Variants in CHD2 observed in about 807,000 individuals in gnomAD.
The protein encoded by CHD2 is ATP-dependent chromatin remodeler CHD2.
Under a neutral mutation model 243.9 loss-of-function variants are expected in CHD2, and 28 were observed. The ratio of observed to expected loss-of-function variants is 0.11; its 90% CI spans 0.09 to 0.16. The LOEUF is 0.16. Ranked by LOEUF, CHD2 falls within the 10% of genes least tolerant of loss-of-function variation. The pLI is 1.00. For synonymous variants in CHD2, 775 were observed against 779.0 expected, an observed-to-expected ratio of 0.99 and a Z score of 0.09; for missense variants, 1,386 against 2,209.8, an observed-to-expected ratio of 0.63 and a Z score of 7.47.
At chr15:92,926,299 T>C (rs1020875546) in intron 3 of CHD2, among the ~76,000 whole-genome samples, 1 of 152,330 alleles carries the variant, frequency 6.6e-6, no homozygotes, top group East Asian at 1.9e-4. Context: ...TCTCAGCTAG[T>C]GGCTTCTTTT....
chr15:92,924,841 C>T (rs1276437343), intron 3 of CHD2, among the ~76,000 whole-genome samples: 1 of 152,092 alleles, frequency 6.6e-6, no homozygotes, highest in East Asian at 1.9e-4. Flanking sequence ...CTCTGTTGCC[C>T]AGCCTGGAGT....
intron 35 of CHD2, among the ~76,000 whole-genome samples, chr15:93,010,231 A>G (rs1047561543): frequency 1.3e-5 from 2 of 152,126 alleles, no homozygotes; most frequent in African/African-American, 4.8e-5. Context: ...TTGTTGGTTG[A>G]TGGGCATTTA....
At position 92,956,677 on chromosome 15, in the gene CHD2, G is replaced by A. The variant is rs368748523; in HGVS notation, c.2000+28G>A. The A allele has an allele frequency of 3.7e-4, 574 of 1,570,254 alleles. 1 individual carries two copies. The African/African-American group carries it at 4.7e-3, about 13-fold the overall frequency. ...AAGCTCCTTCCTGTGTATTTCAAAA[G>A]ATGCTAGAATGTCTGAAATGCCAAT... On this transcript the variant is annotated intron_variant, in intron 16 of 38. Transcript: ENST00000394196.
chr15:93,011,674 G>A (rs900089924), intron 35 of CHD2, among the ~76,000 whole-genome samples: 2 of 152,152 alleles, frequency 1.3e-5, no homozygotes, highest in Admixed American at 1.3e-4. Flanking sequence ...CTGACTACCT[G>A]TGCTTACTCT....
intron 5 of CHD2, among the ~76,000 whole-genome samples, chr15:92,935,038 CTT>C (rs35542698): frequency 6.5e-5 from 9 of 138,652 alleles, no homozygotes; most frequent in Non-Finnish European, 3.1e-5. Context: ...TTCTTTCTTT[CTT>C]TTTTTTTTTT....
Position 92,934,843 on chromosome 15 carries a change from C to T in CHD2, c.444-2675C>T, listed in dbSNP as rs1365404419. 2.0e-5 allele frequency among the ~76,000 whole-genome samples: 3 copies of T among 152,108 alleles called. No homozygotes were observed. The East Asian group carries it at 5.8e-4, about 29-fold the overall frequency. On this transcript the variant is annotated intron_variant, in intron 5 of 38. Coordinates refer to ENST00000394196, the MANE Select transcript of CHD2 (RefSeq NM_001271.4). Reference sequence around the variant, plus strand: ...TTTTAAACCTTGAGTTTTTCAAATACTCCCAGGACGTGTAAGCCTGGCTTT... The same window carrying T: ...TTTTAAACCTTGAGTTTTTCAAATATTCCCAGGACGTGTAAGCCTGGCTTT...
chr15:92,946,959 A>T (rs1881835), intron 12 of CHD2: 23 of 151,478 alleles, frequency 1.5e-4, no homozygotes, highest in African/African-American at 5.6e-4. Context: ...AGAGAGCGGG[A>T]AGTGATAGAA....
At chr15:92,901,816 TAAAG>T (rs1283922251) in intron 2 of CHD2, 2 of 252,602 alleles carry the variant, frequency 7.9e-6, no homozygotes, top group East Asian at 7.5e-5. Flanking sequence ...CAAAATCACT[TAAAG>T]GACCCTTTGA....
chr15:92,980,679 T>G (rs753835048), intron 22 of CHD2, 136 bp from the exon 23 acceptor site: 2 of 631,660 alleles, frequency 3.2e-6, no homozygotes, highest in South Asian at 4.2e-5. Flanking sequence ...ATGCGATGTT[T>G]GAGAAATCAT....
intron 32 of CHD2, among the ~76,000 whole-genome samples, chr15:93,000,889 A>G (rs2054246463): frequency 6.6e-6 from 1 of 152,320 alleles, no homozygotes; most frequent in African/African-American, 2.4e-5. Context: ...TGTTTTTGAG[A>G]TGAAGTCTCG....
At chr15:93,012,286 C>G (rs2054403208) in intron 35 of CHD2, 59 bp from the exon 36 acceptor site, 11 of 1,117,730 alleles carry the variant, frequency 9.8e-6, no homozygotes, top group Non-Finnish European at 1.4e-5. Flanking sequence ...CCATGAAGAT[C>G]ATAAAAAATT....
At position 92,946,205 on chromosome 15, in the gene CHD2, A is replaced by G. The variant is rs1259378309; in HGVS notation, c.1366A>G (p.Arg456Gly). The change falls in exon 12 of 39, where the codon AGA becomes GGA. Residue 456 changes from arginine (R) to glycine (G), a missense_variant. By Grantham distance (125) the Arg-to-Gly change is moderately radical (BLOSUM62 -2). This residue lies in a region of CHD2 where 200 missense variants were observed against 292.5 expected (regional missense o/e 0.68). Coordinates refer to ENST00000394196, the MANE Select transcript of CHD2 (RefSeq NM_001271.4). ...SRNNSKTIPT[R>G]ECKALKQRPR... The stretch of plus-strand genomic sequence containing the variant: ...GAACAACTCAAAAACCATCCCAACA[A>G]GAGAATGCAAGGTATGGTGATGGTT... 1 of 1,610,954 alleles carries G rather than the reference A, an allele frequency of 6.2e-7. No homozygotes were observed. Among genetic ancestry groups the G allele is most frequent in the Non-Finnish European group, 8.5e-7 (1 of 1,178,268 alleles).
At chr15:92,933,108 T>G (rs996142779) in intron 5 of CHD2, among the ~76,000 whole-genome samples, 1 of 149,470 alleles carries the variant, frequency 6.7e-6, no homozygotes, top group Admixed American at 6.7e-5. Flanking sequence ...TGTGTGGCCA[T>G]AGCTCACTGC....
intron 19 of CHD2, among the ~76,000 whole-genome samples, chr15:92,974,233 CAT>C (rs753759994): frequency 2.6e-5 from 4 of 152,112 alleles, no homozygotes; most frequent in Non-Finnish European, 5.9e-5. Context: ...GTAGAACTGA[CAT>C]ATGTTCTAAT....
intron 2 of CHD2, among the ~76,000 whole-genome samples, chr15:92,919,115 C>T (rs1277807963): frequency 2.6e-5 from 4 of 151,116 alleles, no homozygotes; most frequent in Admixed American, 2.6e-4. Flanking sequence ...CTGGGCCTCC[C>T]AGAGTGCTGG....
In CHD2 at chr15:92,941,849, T is replaced by C. The variant is rs762283261; in HGVS notation, c.720T>C (p.Thr240=). ...ACAAAGAAGATGATGACTTTGAGAC[T>C]GACTCAGATGATCTCATTGAAATGA... ...VSYKEDDDFE[T]DSDDLIEMTG... is the part of the protein sequence containing the mutation. Residue 240 remains threonine (T), a synonymous_variant, in exon 8 of 39, where the codon ACT becomes ACC. Transcript: ENST00000394196. The C allele has an allele frequency of 1.7e-5, 27 of 1,613,184 alleles. No homozygotes were observed. The highest frequency in any genetic ancestry group is 2.2e-5 in the Non-Finnish European group (26 of 1,179,580).
chr15:93,006,509 C>T (rs1184224325), intron 34 of CHD2, among the ~76,000 whole-genome samples: 1 of 152,178 alleles, frequency 6.6e-6, no homozygotes, highest in Non-Finnish European at 1.5e-5. Flanking sequence ...AGTTTTACTG[C>T]TTAAGTCTGT....
intron 17 of CHD2, among the ~76,000 whole-genome samples, chr15:92,969,532 T>C (rs1372950838): frequency 6.6e-6 from 1 of 152,234 alleles, no homozygotes; most frequent in African/African-American, 2.4e-5. Context: ...TGATGGTTTA[T>C]GGACTATGGC....
intron 17 of CHD2, 106 bp from the exon 18 acceptor site, chr15:92,971,659 C>T: frequency 1.1e-6 from 1 of 907,948 alleles, no homozygotes; most frequent in South Asian, 3.3e-5. Flanking sequence ...CTTTTTTAGG[C>T]CTCTTTTTTT....
Sources: allele counts gnomAD v4.1 joint callset (sites outside exome capture counted in the v4.1 genomes callset), GRCh38; gene constraint gnomAD v4.1.1; regional missense constraint gnomAD v4.1.1; transcripts MANE v1.5; gene names NCBI Gene and HGNC (gene_info 2026-07-23, HGNC 2026-07-21).